The following HAPSTR1 variants were observed in gnomAD, a reference collection of about 807,000 sequenced individuals.
The protein encoded by HAPSTR1 is HUWE1-associated protein modifying stress responses 1.
chr16:9,097,915 G>A, the HAPSTR1 span, among the ~76,000 whole-genome samples: 1 of 152,208 alleles, frequency 6.6e-6, no homozygotes, highest in Admixed American at 6.5e-5. Flanking sequence ...ACAACCCCTT[G>A]AGCAAATGTG....
the HAPSTR1 span, chr16:9,092,054 C>T: frequency 2.0e-6 from 3 of 1,522,516 alleles, no homozygotes; most frequent in South Asian, 2.5e-5. Context: ...GATGGAGGAG[C>T]GGAAGGAGGA....
At chr16:9,108,607 T>C in the HAPSTR1 span, 103 of 152,294 alleles carry the variant, frequency 6.8e-4, no homozygotes, top group African/African-American at 2.4e-3. Context: ...CTTGAGGCTT[T>C]TCTTCTCAAA....
At chr16:9,097,988 G>C in the HAPSTR1 span, among the ~76,000 whole-genome samples, 1 of 152,178 alleles carries the variant, frequency 6.6e-6, no homozygotes. Context: ...TTTTAGGAAG[G>C]GGAGGACAAG....
chr16:9,092,742 G>A, the HAPSTR1 span, among the ~76,000 whole-genome samples: 1 of 151,848 alleles, frequency 6.6e-6, no homozygotes, highest in Non-Finnish European at 1.5e-5. Context: ...CGACCTCCCT[G>A]CCCCCCCGGT....
chr16:9,119,576 C>A, the HAPSTR1 span: 1 of 152,098 alleles, frequency 6.6e-6, no homozygotes, highest in Non-Finnish European at 1.5e-5. Flanking sequence ...TTTTTTAGAG[C>A]AAAATTGTTG....
chr16:9,118,526 TAAAA>T, the HAPSTR1 span: 1 of 152,630 alleles, frequency 6.6e-6, no homozygotes, highest in Non-Finnish European at 1.5e-5. Flanking sequence ...AGCCCTTATT[TAAAA>T]AAGTGAATTC....
At chr16:9,109,080 A>G in the HAPSTR1 span, 7 of 152,326 alleles carry the variant, frequency 4.6e-5, no homozygotes, top group Admixed American at 2.6e-4. Context: ...AATTGCAGCT[A>G]TCACACTGGA....
At chr16:9,105,731 CA>C in the HAPSTR1 span, 12 of 152,280 alleles carry the variant, frequency 7.9e-5, no homozygotes, top group African/African-American at 2.9e-4. Flanking sequence ...TAAGTTAGGC[CA>C]AATTGAAGGT....
At chr16:9,099,512 A>G in the HAPSTR1 span, among the ~76,000 whole-genome samples, 7 of 152,146 alleles carry the variant, frequency 4.6e-5, no homozygotes, top group African/African-American at 1.7e-4. Flanking sequence ...CCTTTTTTGA[A>G]TAAGGAAATG....
the HAPSTR1 span, among the ~76,000 whole-genome samples, chr16:9,115,098 G>C: frequency 6.6e-6 from 1 of 152,124 alleles, no homozygotes; most frequent in East Asian, 1.9e-4. Context: ...ACCTCAGAAG[G>C]GAGGTGTGGC....
chr16:9,111,395 C>T, the HAPSTR1 span: 26 of 152,222 alleles, frequency 1.7e-4, no homozygotes, highest in Admixed American at 1.6e-3. Context: ...ATTGAATTTT[C>T]TGTGAAGTCT....
the HAPSTR1 span, chr16:9,092,172 A>G: frequency 2.5e-6 from 4 of 1,574,640 alleles, no homozygotes; most frequent in Non-Finnish European, 3.4e-6. Flanking sequence ...CCCGAGCTGC[A>G]GGAGGAGGCG....
At chr16:9,116,185 C>A in the HAPSTR1 span, among the ~76,000 whole-genome samples, 1 of 152,190 alleles carries the variant, frequency 6.6e-6, no homozygotes, top group African/African-American at 2.4e-5. Flanking sequence ...ATCACCTTAT[C>A]TAGAGGGGAT....
At chr16:9,098,160 G>A in the HAPSTR1 span, among the ~76,000 whole-genome samples, 17 of 152,116 alleles carry the variant, frequency 1.1e-4, no homozygotes, top group Admixed American at 1.1e-3. Flanking sequence ...GAGAGAAACC[G>A]TATCTCTACT....
chr16:9,098,351 T>G, the HAPSTR1 span, among the ~76,000 whole-genome samples: 1 of 152,120 alleles, frequency 6.6e-6, no homozygotes, highest in Non-Finnish European at 1.5e-5. Flanking sequence ...CACAAAATAT[T>G]ATCCCCCTGG....
At chr16:9,092,975 C>CCA in the HAPSTR1 span, 1 of 1,611,668 alleles carries the variant, frequency 6.2e-7, no homozygotes. Flanking sequence ...CAAAACGCAG[C>CCA]CACCGCCGTC....
At chr16:9,103,326 C>G in the HAPSTR1 span, 1 of 1,524,242 alleles carries the variant, frequency 6.6e-7, no homozygotes, top group Non-Finnish European at 8.9e-7. Context: ...CCATTTTTCA[C>G]GGTTAGGTTT....
the HAPSTR1 span, among the ~76,000 whole-genome samples, chr16:9,093,955 CTT>C: frequency 6.6e-6 from 1 of 151,368 alleles, no homozygotes; most frequent in East Asian, 1.9e-4. Context: ...AGTAATGGAA[CTT>C]TGTGCATTTC....
At chr16:9,098,742 A>C in the HAPSTR1 span, among the ~76,000 whole-genome samples, 655 of 152,316 alleles carry the variant, frequency 4.3e-3, 8 homozygotes, top group African/African-American at 0.015. Context: ...AAAATCACGT[A>C]GTCAGTAGTA....
Sources: gnomAD v4.1 joint callset for allele counts (sites outside exome capture counted in the v4.1 genomes callset) on GRCh38, gnomAD v4.1.1 for gene constraint, MANE v1.5 for transcripts, NCBI Gene and HGNC (gene_info 2026-07-23, HGNC 2026-07-21) for gene names.